UGGT2: variants seen among roughly 807,000 people sequenced by gnomAD.
The protein encoded by UGGT2 is UDP-glucose:glycoprotein glucosyltransferase 2.
A neutral mutation model predicts 192.1 loss-of-function variants in UGGT2; 180 were observed. The observed-to-expected ratio is 0.94, with a 90% CI of 0.83 to 1.06. The LOEUF is 1.06. Among genes scored for constraint, UGGT2 ranks in the 50% least tolerant of loss-of-function variants. The probability of loss-of-function intolerance (pLI) is 0.00; values close to 1 mark genes in which losing one functional copy is unlikely to be tolerated. For missense variants in UGGT2, 1,849 were observed against 1,795.7 expected (o/e 1.03, Z -0.54); for synonymous variants, 580 against 591.0 (o/e 0.98, Z 0.27).
intron 12 of UGGT2, among the ~76,000 whole-genome samples, chr13:95,956,360 A>G (rs1594432211): frequency 6.6e-6 from 1 of 152,338 alleles, no homozygotes; most frequent in East Asian, 1.9e-4. Flanking sequence ...AAAGGACACT[A>G]CTAACAGTCA....
intron 20 of UGGT2, among the ~76,000 whole-genome samples, chr13:95,914,343 A>G (rs2048607624): frequency 1.3e-5 from 2 of 152,174 alleles, no homozygotes. Flanking sequence ...GCATCCACTT[A>G]AATTTACAAA....
chr13:95,876,221 T>C (rs998088303), intron 29 of UGGT2, among the ~76,000 whole-genome samples: 3 of 152,308 alleles, frequency 2.0e-5, no homozygotes, highest in Admixed American at 1.3e-4. Context: ...CAATTCCAAA[T>C]TGAATATAAC....
chr13:95,855,652 G>C (rs996435826), intron 34 of UGGT2, among the ~76,000 whole-genome samples: 1 of 151,994 alleles, frequency 6.6e-6, no homozygotes, highest in Non-Finnish European at 1.5e-5. Flanking sequence ...GCCTCCAAAA[G>C]TGCTGAGACT....
intron 1 of UGGT2, among the ~76,000 whole-genome samples, chr13:96,050,134 A>T (rs935752047): frequency 6.6e-6 from 1 of 152,228 alleles, no homozygotes; most frequent in African/African-American, 2.4e-5. Flanking sequence ...AAATAGAGAT[A>T]TAGACCAATG....
At chr13:95,963,435 A>T (rs779668804) in intron 12 of UGGT2, among the ~76,000 whole-genome samples, 1 of 152,188 alleles carries the variant, frequency 6.6e-6, no homozygotes, top group Non-Finnish European at 1.5e-5. Context: ...ACAAACACAC[A>T]GCTAACATCA....
rs377512011 is a variant in UGGT2 at position 95,996,019 on chromosome 13, C to T, written c.830+44G>A. 2.1e-5 allele frequency: 32 copies of T among 1,538,964 alleles called. No homozygotes were observed. The African/African-American group carries it at 4.0e-4, about 19-fold the overall frequency. On this transcript the variant is annotated intron_variant, in intron 7 of 38. Coordinates refer to ENST00000376747, the MANE Select transcript of UGGT2 (RefSeq NM_020121.4). The stretch of plus-strand genomic sequence containing the variant: ...GTATATCAAATTAATTCCTTAAAAA[C>T]CAATGGGTATAATAATACCAATTTC...
chr13:95,849,240 A>G (rs1888772251), intron 36 of UGGT2, among the ~76,000 whole-genome samples: 1 of 152,174 alleles, frequency 6.6e-6, no homozygotes, highest in South Asian at 2.1e-4. Context: ...TATACTTAAA[A>G]AAAATTTATC....
intron 4 of UGGT2, among the ~76,000 whole-genome samples, chr13:96,015,227 G>A (rs1022084866): frequency 1.5e-4 from 22 of 149,496 alleles, no homozygotes; most frequent in African/African-American, 3.7e-4. Flanking sequence ...GCAGTGAGCC[G>A]AGATCGCATC....
At chr13:95,832,520 G>A (rs1594099893) in intron 38 of UGGT2, among the ~76,000 whole-genome samples, 1 of 152,180 alleles carries the variant, frequency 6.6e-6, no homozygotes, top group East Asian at 1.9e-4. Context: ...TTATATATGA[G>A]ATTAATTTTG....
At chr13:96,032,082 A>G in intron 1 of UGGT2, 111 bp from the exon 2 acceptor site, 1 of 638,326 alleles carries the variant, frequency 1.6e-6, no homozygotes. Context: ...AAAAACCCCT[A>G]AAAATTAATG....
chr13:95,814,613 T>A (rs1884731308), intron 38 of UGGT2, among the ~76,000 whole-genome samples: 1 of 152,212 alleles, frequency 6.6e-6, no homozygotes, highest in South Asian at 2.1e-4. Flanking sequence ...CTTCTCACAT[T>A]ATAAAATACA....
At chr13:96,017,327 C>A (rs1013742592) in intron 4 of UGGT2, among the ~76,000 whole-genome samples, 1 of 152,132 alleles carries the variant, frequency 6.6e-6, no homozygotes, top group South Asian at 2.1e-4. Context: ...CCCTCCAAAT[C>A]GCATGTTGAA....
At chr13:96,024,703 T>C (rs2052613010) in intron 2 of UGGT2, among the ~76,000 whole-genome samples, 1 of 152,202 alleles carries the variant, frequency 6.6e-6, no homozygotes, top group Non-Finnish European at 1.5e-5. Context: ...GGCACTGGGT[T>C]ATCAAGTGAT....
chr13:96,021,284 T>C (rs2052507915), intron 4 of UGGT2, among the ~76,000 whole-genome samples: 1 of 152,216 alleles, frequency 6.6e-6, no homozygotes, highest in Non-Finnish European at 1.5e-5. Context: ...ACTTTCCTAA[T>C]AGTTTGATGT....
intron 38 of UGGT2, among the ~76,000 whole-genome samples, chr13:95,819,855 T>C (rs941222682): frequency 1.3e-5 from 2 of 152,046 alleles, no homozygotes; most frequent in Non-Finnish European, 2.9e-5. Flanking sequence ...AGCATGAATG[T>C]ACAAAATAAG....
At chr13:95,950,847 G>GT (rs764968173) in intron 12 of UGGT2, among the ~76,000 whole-genome samples, 4 of 152,004 alleles carry the variant, frequency 2.6e-5, no homozygotes, top group Non-Finnish European at 4.4e-5. Flanking sequence ...ATTAGTAAAC[G>GT]TGACAACAGA....
intron 12 of UGGT2, among the ~76,000 whole-genome samples, chr13:95,967,218 T>C (rs2050609889): frequency 6.6e-6 from 1 of 151,730 alleles, no homozygotes; most frequent in Non-Finnish European, 1.5e-5. Flanking sequence ...AGTGGCACCA[T>C]TTCAGCTTAC....
intron 7 of UGGT2, among the ~76,000 whole-genome samples, chr13:95,995,669 G>A (rs1431621662): frequency 6.6e-6 from 1 of 152,018 alleles, no homozygotes; most frequent in African/African-American, 2.4e-5. Flanking sequence ...CTATGGGACT[G>A]TTTCAATAAA....
chr13:95,847,056 C>CTTTTTTTTT (rs1195448202), intron 36 of UGGT2, among the ~76,000 whole-genome samples: 1 of 101,150 alleles, frequency 9.9e-6, no homozygotes, highest in Non-Finnish European at 2.3e-5. Context: ...CTTTTCTTTT[C>CTTTTTTTTT]TTTTCTTTTT....
Sources: gnomAD v4.1 joint callset for allele counts (sites outside exome capture counted in the v4.1 genomes callset) on GRCh38, gnomAD v4.1.1 for gene constraint, MANE v1.5 for transcripts, NCBI Gene and HGNC (gene_info 2026-07-23, HGNC 2026-07-21) for gene names.